TVP23A: variants seen among roughly 807,000 people sequenced by gnomAD.
The protein encoded by TVP23A is Golgi apparatus membrane protein TVP23 homolog A.
Under a neutral mutation model 31.7 loss-of-function variants are expected in TVP23A, and 21 were observed. The observed-to-expected ratio is 0.66, with a 90% CI of 0.47 to 0.95. The LOEUF is 0.95. Among genes scored for constraint, TVP23A ranks in the 40% least tolerant of loss-of-function variants. The pLI is 0.00. For synonymous variants in TVP23A, 104 were observed against 96.0 expected, an observed-to-expected ratio of 1.08 and a Z score of -0.49; for missense variants, 279 against 255.6, an observed-to-expected ratio of 1.09 and a Z score of -0.62.
chr16:10,801,392 T>C (rs867350125), intron 2 of TVP23A, among the ~76,000 whole-genome samples: 6 of 152,142 alleles, frequency 3.9e-5, no homozygotes, highest in African/African-American at 9.7e-5. Flanking sequence ...AAAATGTCCA[T>C]GTCATGAGAA....
Position 10,774,120 on chromosome 16 carries a change from G to A in TVP23A, c.243C>T (p.Thr81=), listed in dbSNP as rs760128291. The stretch of plus-strand genomic sequence containing the variant: ...ATCGAAGGCCCACCAGGAGTCTTCC[G>A]GTTACATTCTGAGAACAATAGACAA... The part of the protein sequence containing the change: ...SLDFWSVKNV[T]GRLLVGLRWW... The change falls in exon 4 of 8, where the codon ACC becomes ACT. Residue 81 remains threonine (T), a synonymous_variant. Transcript: ENST00000299866. 12 of 1,608,366 alleles carry A rather than the reference G, an allele frequency of 7.5e-6. No individual in the cohort carries two copies. Among genetic ancestry groups the A allele is most frequent in the Admixed American group, 6.7e-5 (4 of 59,318 alleles).
In TVP23A at chr16:10,767,476, ATG is replaced by A. The variant is rs2031067619; in HGVS notation, c.*1624_*1625del. 2 of 402,396 alleles carry A rather than the reference ATG, an allele frequency of 5.0e-6. No individual in the cohort carries two copies. Among genetic ancestry groups the A allele is most frequent in the Non-Finnish European group, 8.7e-6 (2 of 229,314 alleles). The allele number at this position is 402,396 out of a possible 1,614,324, so 24.9% of individuals were successfully genotyped here. ...ATTTTAGGTATATGAGAGTGTGTGTATGTGTGTGCGCACACATGCAAGTGTGC... is the reference window on the plus strand; with the variant it reads ...ATTTTAGGTATATGAGAGTGTGTGTATGTGTGCGCACACATGCAAGTGTGC... On this transcript the variant is annotated 3_prime_UTR_variant, in exon 8 of 8. Coordinates refer to ENST00000299866, the MANE Select transcript of TVP23A (RefSeq NM_001079512.4). The surrounding 1 kb of genome is among the most constrained non-coding windows in gnomAD (Gnocchi z 4.6).
chr16:10,761,101 C>T (rs919473779), downstream of TVP23A: 76 of 344,876 alleles, frequency 2.2e-4, 1 homozygote, highest in South Asian at 2.2e-3. Context: ...AACTCACTAT[C>T]GAGACCAGCA....
chr16:10,767,145 C>A lies in TVP23A; in HGVS notation c.*1957G>T. 2.5e-6 allele frequency: 1 copy of A among 398,944 alleles called. No homozygotes were observed. The highest frequency in any genetic ancestry group is 3.6e-5 in the East Asian group (1 of 28,076). The allele number at this position is 398,944 out of a possible 1,614,324, so 24.7% of individuals were successfully genotyped here. On this transcript the variant is annotated 3_prime_UTR_variant, in exon 8 of 8. Transcript: ENST00000299866. The surrounding 1 kb of genome is among the most constrained non-coding windows in gnomAD (Gnocchi z 4.6). ...TGCAGTCACTTGCCTGTTTCGCCAGCAGCTCAGGCCTGGGGAGTGGGCAGA... is the reference window on the plus strand; with the variant it reads ...TGCAGTCACTTGCCTGTTTCGCCAGAAGCTCAGGCCTGGGGAGTGGGCAGA...
At chr16:10,771,205 A>G (rs908221783) in intron 6 of TVP23A, among the ~76,000 whole-genome samples, 3 of 152,210 alleles carry the variant, frequency 2.0e-5, no homozygotes, top group African/African-American at 7.2e-5. Context: ...ACATTTTAAA[A>G]TGGTTACAAT....
chr16:10,797,396 T>G (rs936333100), intron 2 of TVP23A, among the ~76,000 whole-genome samples: 3 of 144,668 alleles, frequency 2.1e-5, no homozygotes, highest in African/African-American at 5.2e-5. Flanking sequence ...AAAAAAAAAA[T>G]AAAAGAATAG....
downstream of TVP23A, among the ~76,000 whole-genome samples, chr16:10,759,197 T>C (rs1641769): frequency 0.25 from 37,842 of 152,180 alleles, 4,937 homozygotes; most frequent in South Asian, 0.35. This position sits in a 1 kb window ranked among gnomAD's most constrained non-coding sequence, Gnocchi z 4.7. Context: ...TGGCTCTCCC[T>C]GGTGGCCCCT....
chr16:10,791,965 C>T (rs1357644928), intron 2 of TVP23A, among the ~76,000 whole-genome samples: 2 of 152,202 alleles, frequency 1.3e-5, no homozygotes, highest in African/African-American at 2.4e-5. Context: ...TGGGCCAAGT[C>T]GAAAGCCCAT....
Position 10,766,711 on chromosome 16 carries a change from G to C in TVP23A, c.*2391C>G. The C allele has an allele frequency of 2.6e-6, 1 of 384,334 alleles. No individual in the cohort carries two copies. The highest frequency in any genetic ancestry group is 3.7e-5 in the East Asian group (1 of 26,918). The allele number at this position is 384,334 out of a possible 1,614,324, so 23.8% of individuals were successfully genotyped here. A position where few individuals can be genotyped will look rare whatever the true frequency, so the allele number is the denominator to read the frequency against. ...AGGAAGGGATTTATTGAAAATGAAA[G>C]TCAACTCCACGGTGTGGGAGGAGAA... On this transcript the variant is annotated 3_prime_UTR_variant, in exon 8 of 8. Coordinates refer to ENST00000299866, the MANE Select transcript of TVP23A (RefSeq NM_001079512.4). This position sits in a 1 kb window ranked among gnomAD's most constrained non-coding sequence, Gnocchi z 4.8.
chr16:10,812,117 G>A (rs1429902781), intron 2 of TVP23A, among the ~76,000 whole-genome samples: 2 of 151,866 alleles, frequency 1.3e-5, no homozygotes, highest in Non-Finnish European at 2.9e-5. Context: ...TTCTCCAAAG[G>A]TGATATACAA....
intron 2 of TVP23A, among the ~76,000 whole-genome samples, chr16:10,790,034 G>A (rs2033010236): frequency 6.6e-6 from 1 of 152,078 alleles, no homozygotes; most frequent in African/African-American, 2.4e-5. Context: ...AAAAGATTGT[G>A]GAGACCAAGG....
intron 2 of TVP23A, among the ~76,000 whole-genome samples, chr16:10,784,558 C>A (rs182208935): frequency 7.1e-6 from 1 of 141,078 alleles, no homozygotes; most frequent in African/African-American, 2.9e-5. Flanking sequence ...AAGACCTTGT[C>A]TCAAAAAAAA....
chr16:10,775,283 C>CA (rs2031928343), intron 2 of TVP23A, 187 bp from the exon 3 acceptor site: 1 of 1,422,108 alleles, frequency 7.0e-7, no homozygotes, highest in African/African-American at 1.4e-5. Context: ...AGTCCCCAGA[C>CA]AGTCATGCTG....
downstream of TVP23A, chr16:10,761,977 C>T (rs369504762): frequency 1.2e-4 from 93 of 759,652 alleles, no homozygotes; most frequent in East Asian, 9.3e-4. Context: ...GTCAATGGGG[C>T]GCTGGAGCCA....
intron 7 of TVP23A, chr16:10,769,325 T>G: frequency 2.1e-6 from 1 of 478,080 alleles, no homozygotes; most frequent in African/African-American, 2.0e-5. Flanking sequence ...AATGTGCCGT[T>G]TTAAGAATAA....
chr16:10,769,822 G>A (rs561709428), intron 7 of TVP23A, among the ~76,000 whole-genome samples: 8 of 152,194 alleles, frequency 5.3e-5, no homozygotes, highest in South Asian at 2.1e-4. Flanking sequence ...TAAACTCTAC[G>A]ATCATCCTCT....
intron 2 of TVP23A, among the ~76,000 whole-genome samples, chr16:10,807,104 C>T (rs1286312229): frequency 6.6e-6 from 1 of 152,128 alleles, no homozygotes; most frequent in Non-Finnish European, 1.5e-5. Context: ...CTTTGTTCCC[C>T]AAAAGCTCAG....
At position 10,818,446 on chromosome 16, in the gene TVP23A, C is replaced by A. The variant is rs987100544; in HGVS notation, c.9+39G>T. ...CAGCGCTCCCGCAGGCTCCCCTCGT[C>A]CCGCCCCGCCTCCAGCCCCAGCATC... On this transcript the variant is annotated intron_variant, in intron 1 of 7. Transcript: ENST00000299866. This position sits in a 1 kb window ranked among gnomAD's most constrained non-coding sequence, Gnocchi z 4.7. 6.3e-7 allele frequency: 1 copy of A among 1,597,764 alleles called. No individual in the cohort carries two copies. Among genetic ancestry groups the A allele is most frequent in the Non-Finnish European group, 8.5e-7 (1 of 1,176,260 alleles).
At position 10,818,515 on chromosome 16, in the gene TVP23A, G is replaced by A. The variant is rs2143013830; in HGVS notation, c.-22C>T. ...TCATCACCCTCCCAGGAGCCCACCTGGCGCCCAGGCCCGGGGCTCCAGCTC... is the reference window on the plus strand; with the variant it reads ...TCATCACCCTCCCAGGAGCCCACCTAGCGCCCAGGCCCGGGGCTCCAGCTC... On this transcript the variant is annotated 5_prime_UTR_variant, in exon 1 of 8. Coordinates refer to ENST00000299866, the MANE Select transcript of TVP23A (RefSeq NM_001079512.4). This position sits in a 1 kb window ranked among gnomAD's most constrained non-coding sequence, Gnocchi z 4.7. 1.2e-6 allele frequency: 2 copies of A among 1,601,550 alleles called. No homozygotes were observed. Among genetic ancestry groups the A allele is most frequent in the East Asian group, 2.2e-5 (1 of 44,690 alleles).
Sources: allele counts gnomAD v4.1 joint callset (sites outside exome capture counted in the v4.1 genomes callset), GRCh38; gene constraint gnomAD v4.1.1; non-coding constraint Gnocchi (gnomAD v3.1); transcripts MANE v1.5; gene names NCBI Gene and HGNC (gene_info 2026-07-23, HGNC 2026-07-21).